The following SNX30 variants were observed in gnomAD, a reference collection of about 807,000 sequenced individuals.
SNX30 encodes sorting nexin family member 30, also known as sorting nexin-30.
Under a neutral mutation model 46.4 loss-of-function variants are expected in SNX30, and 24 were observed. The ratio of observed to expected loss-of-function variants is 0.52; its 90% confidence interval spans 0.37 to 0.73. SNX30 has a LOEUF of 0.73. Ranked by LOEUF, SNX30 falls within the 30% of genes least tolerant of loss-of-function variation. SNX30 has a pLI of 0.00. For synonymous variants in SNX30, 189 were observed against 211.5 expected, an observed-to-expected ratio of 0.89 and a Z score of 0.92; for missense variants, 533 against 555.7, an observed-to-expected ratio of 0.96 and a Z score of 0.41.
Position 112,862,451 on chromosome 9 carries a change from C to T in SNX30, c.1102-1796C>T, listed in dbSNP as rs537512520. Among the ~76,000 whole-genome samples the T allele has an allele frequency of 5.3e-5, 8 of 152,282 alleles. No individual in the cohort carries two copies. The South Asian group carries it at 1.7e-3, about 32-fold the overall frequency. ...GAGGCCAGCCAGAGACACTGGCTCG[C>T]TGGGCATCTTTCCATTGAGGCTGAT... On this transcript the variant is annotated intron_variant, in intron 7 of 8. Transcript: ENST00000374232.
At chr9:112,789,478 C>T (rs140992023) in intron 1 of SNX30, among the ~76,000 whole-genome samples, 1 of 152,300 alleles carries the variant, frequency 6.6e-6, no homozygotes, top group African/African-American at 2.4e-5. Context: ...ATATTCCCAA[C>T]TAAAGTTATT....
At chr9:112,774,152 A>G (rs1396155120) in intron 1 of SNX30, among the ~76,000 whole-genome samples, 1 of 152,160 alleles carries the variant, frequency 6.6e-6, no homozygotes, top group Admixed American at 6.6e-5. Context: ...CCAAATCCCC[A>G]CTGGAGAGTC....
rs748558496 is a variant in SNX30 at position 112,868,860 on chromosome 9, G to A, written c.*17G>A. On this transcript the variant is annotated 3_prime_UTR_variant, in exon 9 of 9. Coordinates refer to ENST00000374232, the MANE Select transcript of SNX30 (RefSeq NM_001012994.2). ...GCCAAGTAAAGTTCTTTCTTGGGAC[G>A]GAGACTCTTCTACCTACACAGGGCC... 21 of 1,613,422 alleles carry A rather than the reference G, an allele frequency of 1.3e-5. No individual in the cohort carries two copies. The South Asian group carries it at 1.5e-4, about 12-fold the overall frequency.
chr9:112,839,823 A>G (rs1370886837), intron 6 of SNX30, among the ~76,000 whole-genome samples: 1 of 152,222 alleles, frequency 6.6e-6, no homozygotes, highest in African/African-American at 2.4e-5. Flanking sequence ...TCCAGAGAGA[A>G]ACCTGTCAGT....
At chr9:112,767,122 TTA>T (rs1491038047) in intron 1 of SNX30, among the ~76,000 whole-genome samples, 5 of 11,142 alleles carry the variant, frequency 4.5e-4, no homozygotes, top group Non-Finnish European at 1.1e-3. Flanking sequence ...ACTAATTATT[TTA>T]TTTTTTTTTT....
At chr9:112,753,963 G>A (rs1839312362) in intron 1 of SNX30, among the ~76,000 whole-genome samples, 1 of 152,198 alleles carries the variant, frequency 6.6e-6, no homozygotes, top group African/African-American at 2.4e-5. Flanking sequence ...TACCTCAGCA[G>A]CATGAGGGTC....
intron 6 of SNX30, among the ~76,000 whole-genome samples, chr9:112,847,956 A>G (rs141968593): frequency 8.7e-4 from 133 of 152,238 alleles, no homozygotes; most frequent in African/African-American, 3.1e-3. Context: ...CTCCTCTAGA[A>G]TGTAAGCTCC....
At chr9:112,767,517 C>G (rs1444915650) in intron 1 of SNX30, among the ~76,000 whole-genome samples, 2 of 152,070 alleles carry the variant, frequency 1.3e-5, no homozygotes, top group African/African-American at 2.4e-5. Context: ...AGCTTTTCCC[C>G]TATGTTTTTT....
intron 1 of SNX30, among the ~76,000 whole-genome samples, chr9:112,753,126 T>A (rs1397077550): frequency 6.6e-6 from 1 of 151,972 alleles, no homozygotes. Context: ...TACCAAGAGG[T>A]GGGGATCATT....
chr9:112,868,235 A>G (rs1330071269), intron 8 of SNX30, among the ~76,000 whole-genome samples: 1 of 152,224 alleles, frequency 6.6e-6, no homozygotes, highest in South Asian at 2.1e-4. Flanking sequence ...ATAAAACTCA[A>G]TAAACACTGG....
At chr9:112,828,168 A>C (rs1840605412) in intron 3 of SNX30, among the ~76,000 whole-genome samples, 4 of 152,264 alleles carry the variant, frequency 2.6e-5, no homozygotes, top group African/African-American at 9.6e-5. Flanking sequence ...AAAGCGAACT[A>C]TACAGGTGTG....
At chr9:112,765,385 A>G (rs1479018519) in intron 1 of SNX30, among the ~76,000 whole-genome samples, 4 of 152,222 alleles carry the variant, frequency 2.6e-5, no homozygotes, top group African/African-American at 9.6e-5. Flanking sequence ...GGTCACTGCT[A>G]TCTAATTCCA....
chr9:112,759,360 G>C (rs1384485485), intron 1 of SNX30, among the ~76,000 whole-genome samples: 2 of 152,140 alleles, frequency 1.3e-5, no homozygotes, highest in East Asian at 1.9e-4. Context: ...TATTTTGCCT[G>C]ACCCCTTGGT....
At chr9:112,836,448 CA>C (rs376749294) in intron 5 of SNX30, 39 bp downstream of exon 5, 111 of 1,554,800 alleles carry the variant, frequency 7.1e-5, no homozygotes, top group Non-Finnish European at 9.2e-5. Flanking sequence ...GCCCTGCAGC[CA>C]CATTGGCAGA....
At chr9:112,805,057 A>C in intron 2 of SNX30, 90 bp downstream of exon 2, 1 of 939,094 alleles carries the variant, frequency 1.1e-6, no homozygotes, top group Non-Finnish European at 1.6e-6. Flanking sequence ...TCTCCCCCTT[A>C]TTGTACAACT....
chr9:112,844,892 C>T (rs1840916585), intron 6 of SNX30, among the ~76,000 whole-genome samples: 1 of 152,180 alleles, frequency 6.6e-6, no homozygotes, highest in Non-Finnish European at 1.5e-5. Context: ...ACTCCGGGAA[C>T]GCGAACAGTT....
chr9:112,768,683 T>C (rs2645989), intron 1 of SNX30, among the ~76,000 whole-genome samples: 6 of 139,088 alleles, frequency 4.3e-5, no homozygotes, highest in Admixed American at 3.1e-4. Flanking sequence ...TTTGAGACGG[T>C]CTTGCTCTTG....
At chr9:112,834,843 A>ACACACACACACACAC (rs1840723275) in intron 4 of SNX30, among the ~76,000 whole-genome samples, 1 of 78,320 alleles carries the variant, frequency 1.3e-5, no homozygotes, top group Non-Finnish European at 2.8e-5. Context: ...CACACACACA[A>ACACACACACACACAC]ACACACACAC....
chr9:112,780,962 A>G (rs1450754830), intron 1 of SNX30, among the ~76,000 whole-genome samples: 2 of 152,226 alleles, frequency 1.3e-5, no homozygotes, highest in African/African-American at 2.4e-5. Flanking sequence ...TCTTTAGCCA[A>G]GATGATTCAG....
Sources: allele counts gnomAD v4.1 joint callset (sites outside exome capture counted in the v4.1 genomes callset), GRCh38; gene constraint gnomAD v4.1.1; transcripts MANE v1.5; gene names NCBI Gene and HGNC (gene_info 2026-07-23, HGNC 2026-07-21).